ERMP1: variants seen among roughly 807,000 people sequenced by gnomAD.
ERMP1 encodes endoplasmic reticulum metallopeptidase 1.
A neutral mutation model predicts 92.0 loss-of-function variants in ERMP1; 86 were observed. That is an observed-to-expected ratio of 0.93 (90% CI 0.79 to 1.12). The LOEUF (loss-of-function observed/expected upper bound fraction) is 1.12, where lower values mean the gene tolerates loss of function less well. Among genes scored for constraint, ERMP1 ranks in the 50% most tolerant of loss-of-function variants. The pLI is 0.00. For missense variants in ERMP1, 1,342 were observed against 1,116.3 expected (o/e 1.20, Z -2.88); for synonymous variants, 530 against 412.8 (o/e 1.28, Z -3.44).
exon 6 of ERMP1, among the ~76,000 whole-genome samples, chr9:5,859,581 A>G (rs1563785598): frequency 6.6e-6 from 1 of 152,222 alleles, no homozygotes; most frequent in Non-Finnish European, 1.5e-5. Context: ...AGTTCAGGGA[A>G]TGAGAAAGAC....
intron 4 of ERMP1, among the ~76,000 whole-genome samples, chr9:5,821,321 C>A (rs1418939327): frequency 1.3e-5 from 2 of 152,182 alleles, no homozygotes; most frequent in South Asian, 4.1e-4. Flanking sequence ...GTCCTCCATT[C>A]CAGTCACACA....
chr9:5,830,516 C>CA (rs1470829689), intron 2 of ERMP1, among the ~76,000 whole-genome samples: 1 of 151,998 alleles, frequency 6.6e-6, no homozygotes, highest in East Asian at 1.9e-4. Flanking sequence ...GCATTAACAC[C>CA]AAAAAATAAT....
At chr9:5,826,470 C>G (rs903471513) in intron 2 of ERMP1, among the ~76,000 whole-genome samples, 2 of 152,174 alleles carry the variant, frequency 1.3e-5, no homozygotes, top group African/African-American at 4.8e-5. Flanking sequence ...TGCCTAGCAC[C>G]TGGTAGGTAT....
At chr9:5,862,483 C>T (rs143306681) in intron 5 of ERMP1, among the ~76,000 whole-genome samples, 4 of 152,248 alleles carry the variant, frequency 2.6e-5, no homozygotes, top group South Asian at 4.2e-4. Context: ...CAAGTGTGTG[C>T]CACCATGCCC....
At chr9:5,854,785 C>T (rs1454029214) in intron 6 of ERMP1, among the ~76,000 whole-genome samples, 1 of 152,154 alleles carries the variant, frequency 6.6e-6, no homozygotes, top group Non-Finnish European at 1.5e-5. Context: ...CCTCAGCCTC[C>T]CAAAGTGCTG....
Position 5,832,893 on chromosome 9 carries a change from G to T in ERMP1, c.135C>A (p.Gly45=), listed in dbSNP as rs1028251093. ...GGCTCCTCTTCCGCGTCCTCCCGCC[G>T]CCGCTGCACCCATCCACCAGAGGCT... ...AQEPLVDGCS[G]GGRTRKRSPG... Residue 45 remains glycine (G), a synonymous_variant, in exon 1 of 15, where the codon GGC becomes GGA. Transcript: ENST00000339450. The T allele has an allele frequency of 4.5e-6, 7 of 1,542,982 alleles. No homozygotes were observed. Among genetic ancestry groups the T allele is most frequent in the African/African-American group, 1.4e-5 (1 of 69,910 alleles).
chr9:5,841,133 T>C (rs1022148683), intron 6 of ERMP1, among the ~76,000 whole-genome samples: 1 of 152,228 alleles, frequency 6.6e-6, no homozygotes. Context: ...TAAAAAAACC[T>C]GTTATCCTTT....
Position 5,798,838 on chromosome 9 carries a change from A to G in ERMP1, c.2238T>C (p.Phe746=). ...GAAAGTGCACTGGAAGATACCAAGG[A>G]AAACCACAAAGAGGTGCATTCTCCT... ...HCEENAPLCG[F]PWYLPVHFLI... Residue 746 remains phenylalanine, a synonymous_variant, in exon 12 of 15, where the codon TTT becomes TTC. Transcript: ENST00000339450. 6.2e-7 allele frequency: 1 copy of G among 1,613,938 alleles called. No individual in the cohort carries two copies. The highest frequency in any genetic ancestry group is 8.5e-7 in the Non-Finnish European group (1 of 1,179,836).
chr9:5,862,158 T>C (rs550269878), intron 5 of ERMP1, among the ~76,000 whole-genome samples: 34 of 152,076 alleles, frequency 2.2e-4, no homozygotes, highest in Non-Finnish European at 3.8e-4. Context: ...GCCTCCCAAG[T>C]AGCTGGGACC....
chr9:5,848,580 T>C (rs561389277), intron 6 of ERMP1, among the ~76,000 whole-genome samples: 1 of 152,070 alleles, frequency 6.6e-6, no homozygotes, highest in African/African-American at 2.4e-5. Flanking sequence ...AATAATTCAT[T>C]TACAGGTCAT....
At chr9:5,824,401 C>G (rs190374379) in intron 3 of ERMP1, among the ~76,000 whole-genome samples, 3 of 152,262 alleles carry the variant, frequency 2.0e-5, no homozygotes, top group African/African-American at 7.2e-5. Context: ...TAGCGAGACT[C>G]CCTCTTTTTT....
At chr9:5,859,758 T>A (rs1025574604) in intron 5 of ERMP1, among the ~76,000 whole-genome samples, 2 of 152,222 alleles carry the variant, frequency 1.3e-5, no homozygotes, top group Admixed American at 6.5e-5. Context: ...GCCTGGCACA[T>A]AGTTGATGCT....
At chr9:5,848,047 C>T (rs139606963) in intron 6 of ERMP1, among the ~76,000 whole-genome samples, 1 of 152,170 alleles carries the variant, frequency 6.6e-6, no homozygotes, top group Non-Finnish European at 1.5e-5. Context: ...GTCATACAGA[C>T]ACTAAATGGC....
chr9:5,832,887 CCCG>C lies in ERMP1; in HGVS notation c.138_140del (p.Gly47del). ...CCCCGGGGCTCCTCTTCCGCGTCCT[CCCG>C]CCGCCGCTGCACCCATCCACCAGAG... On this transcript the variant is annotated inframe_deletion, in exon 1 of 15. Coordinates refer to ENST00000339450, the MANE Select transcript of ERMP1 (RefSeq NM_024896.3). 6.5e-7 allele frequency: 1 copy of C among 1,539,096 alleles called. No homozygotes were observed. The highest frequency in any genetic ancestry group is 1.9e-5 in the Admixed American group (1 of 53,710).
intron 8 of ERMP1, among the ~76,000 whole-genome samples, chr9:5,808,283 T>G (rs1022567323): frequency 1.3e-5 from 2 of 152,240 alleles, no homozygotes; most frequent in African/African-American, 2.4e-5. Context: ...TATTACACAT[T>G]TCTATCCTAC....
rs1050582672 is a variant in ERMP1 at position 5,833,007 on chromosome 9, C to A, written c.21G>T (p.Ser7=). ...CGACGCGGTGCCGCCTCACAGCAGC[C>A]GACTCAGAACCCCACTCCATGGCCA... MEWGSE[S]AAVRRHRVGV... is the part of the protein sequence containing the mutation. Residue 7 remains serine, a synonymous_variant, in exon 1 of 15, where the codon TCG becomes TCT. Transcript: ENST00000339450. 1.9e-6 allele frequency: 3 copies of A among 1,551,940 alleles called. No individual in the cohort carries two copies. Among genetic ancestry groups the A allele is most frequent in the Non-Finnish European group, 2.6e-6 (3 of 1,159,846 alleles).
chr9:5,863,833 C>T (rs887949041), intron 5 of ERMP1, among the ~76,000 whole-genome samples: 6 of 152,186 alleles, frequency 3.9e-5, no homozygotes, highest in African/African-American at 1.4e-4. Context: ...TAACTGGCTT[C>T]TTTCACATAA....
chr9:5,807,828 C>T (rs747614572), intron 8 of ERMP1, among the ~76,000 whole-genome samples: 7 of 152,080 alleles, frequency 4.6e-5, no homozygotes, highest in Admixed American at 1.3e-4. Context: ...AAATTCATCT[C>T]GCCTCCCCTA....
At chr9:5,802,326 CCTT>C (rs1353059036) in intron 10 of ERMP1, among the ~76,000 whole-genome samples, 1 of 152,132 alleles carries the variant, frequency 6.6e-6, no homozygotes. Context: ...CCCCTTTATG[CCTT>C]CTTCATTTTA....
Sources: gnomAD v4.1 joint callset for allele counts (sites outside exome capture counted in the v4.1 genomes callset) on GRCh38, gnomAD v4.1.1 for gene constraint, MANE v1.5 for transcripts, NCBI Gene and HGNC (gene_info 2026-07-23, HGNC 2026-07-21) for gene names.